The following ZNF195 variants were observed in gnomAD, a reference collection of about 807,000 sequenced individuals.
ZNF195 encodes hypoxia-regulated factor-1.
ZNF195 carries 11 observed loss-of-function variants against 19.5 expected under a neutral mutation model. The ratio of observed to expected loss-of-function variants is 0.57; its 90% CI spans 0.36 to 0.94. The LOEUF is 0.94. Among genes scored for constraint, ZNF195 ranks in the 40% least tolerant of loss-of-function variants. The pLI is 0.01. For missense variants in ZNF195, 582 were observed against 709.0 expected (o/e 0.82, Z 2.03); for synonymous variants, 214 against 248.1 (o/e 0.86, Z 1.29).
chr11:3,375,218 T>C (rs575523671), intron 1 of ZNF195, among the ~76,000 whole-genome samples: 1 of 152,326 alleles, frequency 6.6e-6, no homozygotes, highest in Non-Finnish European at 1.5e-5. Context: ...GATTCTGCTC[T>C]CTATGCTACT....
intron 3 of ZNF195, among the ~76,000 whole-genome samples, chr11:3,365,651 A>G (rs950973752): frequency 1.3e-5 from 2 of 152,254 alleles, no homozygotes; most frequent in Non-Finnish European, 2.9e-5. Context: ...TTTAAGAACA[A>G]TAACTAGTCA....
At chr11:3,360,613 A>G (rs2157763) in intron 5 of ZNF195, 48 bp from the exon 6 acceptor site, 1,046,546 of 1,550,988 alleles carry the variant, frequency 0.67, 354,689 homozygotes, top group Middle Eastern at 0.75. Flanking sequence ...ACAGATGAAT[A>G]CACTTTATGA....
At chr11:3,374,936 G>C (rs996200443) in intron 1 of ZNF195, among the ~76,000 whole-genome samples, 1 of 152,210 alleles carries the variant, frequency 6.6e-6, no homozygotes, top group African/African-American at 2.4e-5. Context: ...AAAAATTAAG[G>C]CTCCAAAATA....
chr11:3,376,342 A>C (rs1415935041), intron 1 of ZNF195, among the ~76,000 whole-genome samples: 1 of 152,202 alleles, frequency 6.6e-6, no homozygotes, highest in Non-Finnish European at 1.5e-5. Flanking sequence ...TGAAAAAAAA[A>C]AAAAATCACA....
At chr11:3,366,643 T>G (rs1320767762) in intron 3 of ZNF195, 5 of 152,970 alleles carry the variant, frequency 3.3e-5, no homozygotes, top group African/African-American at 9.9e-5. Context: ...ATTAAGATAT[T>G]TCCTCACACC....
At chr11:3,364,788 T>C (rs1848786081) in intron 3 of ZNF195, among the ~76,000 whole-genome samples, 1 of 152,160 alleles carries the variant, frequency 6.6e-6, no homozygotes, top group African/African-American at 2.4e-5. Flanking sequence ...CAGAAAACAG[T>C]AACAATCAAG....
In ZNF195 at chr11:3,376,445, G is replaced by A. The variant is rs573646727; in HGVS notation, c.3+2593C>T. On this transcript the variant is annotated intron_variant, in intron 1 of 5. Transcript: ENST00000399602. ...GCATGTGGCCCAGGCCTGTGGGTTG[G>A]ACAAGCTTGAGCCAGGCCTTCGATT... Among the ~76,000 whole-genome samples the A allele has an allele frequency of 2.0e-5, 3 of 152,328 alleles. No individual in the cohort carries two copies. The South Asian group carries it at 6.2e-4, about 32-fold the overall frequency.
Position 3,359,275 on chromosome 11 carries a change from T to C in ZNF195, c.1733A>G (p.Tyr578Cys). The C allele has an allele frequency of 6.2e-7, 1 of 1,614,068 alleles. No individual in the cohort carries two copies. The highest frequency in any genetic ancestry group is 8.5e-7 in the Non-Finnish European group (1 of 1,179,964). Residue 578 changes from tyrosine to cysteine, a missense_variant, in exon 6 of 6, where the codon TAC (tyrosine) becomes TGC (cysteine). Physicochemically the swap from Tyr to Cys is radical, Grantham distance 194. This residue lies in a region of ZNF195 where 407 missense variants were observed against 530.5 expected (regional missense o/e 0.77). Transcript: ENST00000399602. This position sits in a 1 kb window ranked among gnomAD's most constrained non-coding sequence, Gnocchi z 5.5. The stretch of plus-strand genomic sequence containing the variant: ...GTTTTTTCCACATTCGTCACATTTG[T>C]AGGGTTTCTCTCCAGTATGGGTTTT... Reference protein sequence around the residue: ...HKKTHTGEKPYKCDECGKNFT... With the variant: ...HKKTHTGEKPCKCDECGKNFT...
At chr11:3,370,825 C>T in intron 3 of ZNF195, 150 bp downstream of exon 3, 1 of 678,290 alleles carries the variant, frequency 1.5e-6, no homozygotes. Flanking sequence ...ACAGAAGACG[C>T]TCCTAGGGTA....
Position 3,360,040 on chromosome 11 carries a change from C to T in ZNF195, c.968G>A (p.Gly323Glu). 1 of 1,614,044 alleles carries T rather than the reference C, an allele frequency of 6.2e-7. No individual in the cohort carries two copies. The highest frequency in any genetic ancestry group is 8.5e-7 in the Non-Finnish European group (1 of 1,180,032). Residue 323 changes from glycine to glutamate, a missense_variant, in exon 6 of 6, where the codon GGA (glycine) becomes GAA (glutamate). By Grantham distance (98) the Gly-to-Glu change is moderately conservative. Coordinates refer to ENST00000399602, the MANE Select transcript of ZNF195 (RefSeq NM_001130520.3). Reference protein sequence around the residue: ...SVLTKNRIYAGGEHYRCEEFG... With the variant: ...SVLTKNRIYAEGEHYRCEEFG... ...TTCTTCACATCTGTAATGTTCCCCT[C>T]CGGCATAAATTCTATTTTTAGTAAG...
At chr11:3,370,950 A>AC in intron 3 of ZNF195, 25 bp downstream of exon 3, 1 of 1,612,798 alleles carries the variant, frequency 6.2e-7, no homozygotes, top group Non-Finnish European at 8.5e-7. Flanking sequence ...CACCTGGGTT[A>AC]CCTGCTTCGT....
intron 3 of ZNF195, among the ~76,000 whole-genome samples, chr11:3,368,405 C>T (rs1849012884): frequency 6.6e-6 from 1 of 152,148 alleles, no homozygotes; most frequent in Non-Finnish European, 1.5e-5. Context: ...GCCAGAAGTT[C>T]AGAACCAGCC....
At chr11:3,375,958 A>T (rs1276186506) in intron 1 of ZNF195, among the ~76,000 whole-genome samples, 1 of 152,220 alleles carries the variant, frequency 6.6e-6, no homozygotes, top group Admixed American at 6.5e-5. Context: ...CTCTATGGCC[A>T]TGAGATCCAT....
chr11:3,358,747 G>A lies in ZNF195; in HGVS notation c.*371C>T, dbSNP rs1006745931. On this transcript the variant is annotated 3_prime_UTR_variant, in exon 6 of 6. Transcript: ENST00000399602. ...TGTAGACTCAACACAGGGATTCAGT[G>A]TCATTTCTGAACGTGTCCTTGCTTA... is the stretch of plus-strand genomic sequence containing the variant. 1 of 3,230 alleles carries A rather than the reference G, an allele frequency of 3.1e-4. No homozygotes were observed. Among genetic ancestry groups the A allele is most frequent in the Non-Finnish European group, 6.3e-4 (1 of 1,582 alleles). 0.2% of individuals were successfully genotyped at this position (3,230 alleles called of 1,614,324 possible).
At chr11:3,372,801 G>T (rs1387457813) in intron 1 of ZNF195, among the ~76,000 whole-genome samples, 1 of 152,204 alleles carries the variant, frequency 6.6e-6, no homozygotes, top group East Asian at 1.9e-4. Flanking sequence ...GCGCGATCTC[G>T]GCTCACTGCT....
rs1370348755 is a variant in ZNF195, at chr11:3,361,817, G to C, written c.299C>G (p.Ser100Cys). The part of the protein sequence containing the change: ...LGSSDLPASA[S>C]QSAGITGVNH... ...CACACCTGTAATCCCAGCACTTTGG[G>C]AGGCTGAGGCAGGCAGATCGCTTGA... Residue 100 changes from serine (S) to cysteine (C), a missense_variant, in exon 4 of 6, where the codon TCC becomes TGC. By Grantham distance (112) the Ser-to-Cys change is moderately radical. Around this residue, in one of 3 missense-constraint regions of ZNF195, gnomAD observed 129 missense variants for 112.1 expected, o/e 1.15. Coordinates refer to ENST00000399602, the MANE Select transcript of ZNF195 (RefSeq NM_001130520.3). The C allele has an allele frequency of 2.3e-6, 2 of 859,394 alleles. No individual in the cohort carries two copies. The highest frequency in any genetic ancestry group is 1.7e-5 in the African/African-American group (1 of 57,228). 53.2% of individuals were successfully genotyped at this position (859,394 alleles called of 1,614,324 possible). A position where few individuals can be genotyped will look rare whatever the true frequency, so the allele number is the denominator to read the frequency against.
chr11:3,362,873 CTG>C, intron 3 of ZNF195: 1 of 218,050 alleles, frequency 4.6e-6, no homozygotes, highest in Non-Finnish European at 8.9e-6. Context: ...CAAAAAGAGA[CTG>C]AAAGTGGCAA....
intron 1 of ZNF195, among the ~76,000 whole-genome samples, chr11:3,373,881 C>T (rs184767093): frequency 6.6e-6 from 1 of 152,340 alleles, no homozygotes; most frequent in East Asian, 1.9e-4. Flanking sequence ...AATTCTGCTT[C>T]AGCAATTGGA....
chr11:3,365,518 G>T (rs1848834823), intron 3 of ZNF195, among the ~76,000 whole-genome samples: 1 of 152,182 alleles, frequency 6.6e-6, no homozygotes, highest in Non-Finnish European at 1.5e-5. Flanking sequence ...ACACATTCTT[G>T]CTCAATGGTC....
Sources: allele counts gnomAD v4.1 joint callset (sites outside exome capture counted in the v4.1 genomes callset), GRCh38; gene constraint gnomAD v4.1.1; regional missense constraint gnomAD v4.1.1; non-coding constraint Gnocchi (gnomAD v3.1); transcripts MANE v1.5; gene names NCBI Gene and HGNC (gene_info 2026-07-23, HGNC 2026-07-21).